MSI2: variants seen among roughly 807,000 people sequenced by gnomAD.
MSI2 encodes the protein musashi RNA binding protein 2, also known as RNA-binding protein Musashi homolog 2.
A neutral mutation model predicts 45.6 loss-of-function variants in MSI2; 17 were observed. That is an observed-to-expected ratio of 0.37 (90% CI 0.26 to 0.56). MSI2 has a LOEUF of 0.56. MSI2 is among the 20% of genes least tolerant of loss of function. MSI2 has a pLI of 0.77. For synonymous variants in MSI2, 156 were observed against 158.2 expected (o/e 0.99, Z 0.11); for missense variants, 293 against 444.2 (o/e 0.66, Z 3.06).
chr17:57,273,406 T>C (rs1908541402), intron 5 of MSI2, among the ~76,000 whole-genome samples: 1 of 152,066 alleles, frequency 6.6e-6, no homozygotes, highest in African/African-American at 2.4e-5. Flanking sequence ...TGTTTTTCCC[T>C]GCAGTACACG....
intron 5 of MSI2, chr17:57,277,798 G>A (rs2059397903): frequency 6.6e-6 from 1 of 152,236 alleles, no homozygotes; most frequent in African/African-American, 2.4e-5. Context: ...CACCGCCTGG[G>A]AGGTGGCTAG....
At chr17:57,562,636 G>GA (rs141257273) in intron 7 of MSI2, among the ~76,000 whole-genome samples, 1 of 151,682 alleles carries the variant, frequency 6.6e-6, no homozygotes, top group Non-Finnish European at 1.5e-5. Flanking sequence ...ACTATGTTGG[G>GA]AAAAAAAATA....
intron 7 of MSI2, among the ~76,000 whole-genome samples, chr17:57,547,788 A>C (rs1249614284): frequency 6.8e-6 from 1 of 146,408 alleles, no homozygotes; most frequent in Non-Finnish European, 1.5e-5. Flanking sequence ...ACACACACAC[A>C]CGTCTCTGGA....
chr17:57,362,846 A>G (rs538210077), intron 5 of MSI2, among the ~76,000 whole-genome samples: 24 of 152,370 alleles, frequency 1.6e-4, no homozygotes, highest in Admixed American at 7.8e-4. Context: ...ACCCAAGTGC[A>G]TGAATTATGA....
At chr17:57,474,212 T>C (rs564834912) in intron 6 of MSI2, among the ~76,000 whole-genome samples, 20 of 152,320 alleles carry the variant, frequency 1.3e-4, no homozygotes, top group Admixed American at 6.5e-5. Context: ...CTGGTATTCA[T>C]AGCAGTTGGG....
At chr17:57,415,613 A>G (rs2084280047) in intron 6 of MSI2, among the ~76,000 whole-genome samples, 1 of 152,104 alleles carries the variant, frequency 6.6e-6, no homozygotes, top group Non-Finnish European at 1.5e-5. Context: ...TGGGTATTTA[A>G]TGATAGTCTC....
intron 5 of MSI2, among the ~76,000 whole-genome samples, chr17:57,379,175 G>A (rs2083554300): frequency 1.3e-5 from 2 of 150,854 alleles, no homozygotes; most frequent in Non-Finnish European, 2.9e-5. Context: ...TTGTGATCTC[G>A]TGTGGCCCTG....
chr17:57,393,827 G>A (rs900954513), intron 5 of MSI2, among the ~76,000 whole-genome samples: 6 of 152,112 alleles, frequency 3.9e-5, no homozygotes, highest in Admixed American at 6.5e-5. Context: ...GATTACAGAC[G>A]TGCACCACCA....
At chr17:57,526,736 T>C (rs74401513) in intron 6 of MSI2, among the ~76,000 whole-genome samples, 2,391 of 152,202 alleles carry the variant, frequency 0.016, 75 homozygotes, top group East Asian at 0.081. Context: ...CTGGGACTTA[T>C]CCATATTGAT....
chr17:57,675,212 A>G (rs1913139910), intron 12 of MSI2, 86 bp downstream of exon 12: 1 of 1,354,786 alleles, frequency 7.4e-7, no homozygotes, highest in African/African-American at 1.4e-5. Context: ...AAAGCCCAAC[A>G]TCGGGGGCAG....
chr17:57,420,691 T>C (rs1455335579), intron 6 of MSI2, among the ~76,000 whole-genome samples: 1 of 152,200 alleles, frequency 6.6e-6, no homozygotes, highest in Non-Finnish European at 1.5e-5. Context: ...CCAACCACCC[T>C]CTTGGGTTAG....
intron 5 of MSI2, among the ~76,000 whole-genome samples, chr17:57,270,776 A>C (rs1908284114): frequency 6.6e-6 from 1 of 152,180 alleles, no homozygotes; most frequent in South Asian, 2.1e-4. Context: ...CTGTCCCCGA[A>C]AAATGTCCCT....
intron 9 of MSI2, among the ~76,000 whole-genome samples, chr17:57,620,235 A>G (rs955016741): frequency 4.6e-5 from 7 of 152,314 alleles, no homozygotes; most frequent in African/African-American, 1.7e-4. Context: ...TTCTTCATTT[A>G]TCCTACCCAT....
chr17:57,536,166 C>T (rs1160609284), intron 7 of MSI2, among the ~76,000 whole-genome samples: 1 of 152,106 alleles, frequency 6.6e-6, no homozygotes, highest in East Asian at 1.9e-4. Context: ...TAAAGCATTG[C>T]TTCACTTGTA....
intron 5 of MSI2, among the ~76,000 whole-genome samples, chr17:57,335,774 G>A (rs2143757699): frequency 6.6e-6 from 1 of 152,350 alleles, no homozygotes; most frequent in African/African-American, 2.4e-5. Context: ...CAAGGCCCTT[G>A]TGAGTGCTCT....
chr17:57,293,595 G>GTTTTTTTTTTTTTTGTTTTTTTTTT (rs71139983), intron 5 of MSI2, among the ~76,000 whole-genome samples: 1 of 134,724 alleles, frequency 7.4e-6, no homozygotes, highest in African/African-American at 3.0e-5. Flanking sequence ...TTGTTTTTTT[G>GTTTTTTTTTTTTTTGTTTTTTTTTT]TTTTTTTTTT....
At chr17:57,511,577 C>T (rs948917902) in intron 6 of MSI2, among the ~76,000 whole-genome samples, 2 of 152,158 alleles carry the variant, frequency 1.3e-5, no homozygotes, top group African/African-American at 2.4e-5. Context: ...GCAGGTTTCT[C>T]TCGTGCGTAC....
intron 6 of MSI2, among the ~76,000 whole-genome samples, chr17:57,491,717 A>G (rs1252531433): frequency 6.6e-6 from 1 of 152,138 alleles, no homozygotes; most frequent in Non-Finnish European, 1.5e-5. Context: ...GCCTTCCTGC[A>G]GGAGGATGGC....
intron 6 of MSI2, among the ~76,000 whole-genome samples, chr17:57,514,649 AC>A (rs2086429077): frequency 9.0e-6 from 1 of 110,886 alleles, no homozygotes; most frequent in South Asian, 3.0e-4. Flanking sequence ...TTGAATTGAT[AC>A]TTTTTTTTTT....
Sources: gnomAD v4.1 joint callset for allele counts (sites outside exome capture counted in the v4.1 genomes callset) on GRCh38, gnomAD v4.1.1 for gene constraint, MANE v1.5 for transcripts, NCBI Gene and HGNC (gene_info 2026-07-23, HGNC 2026-07-21) for gene names.